GLIS3: variants seen among roughly 807,000 people sequenced by gnomAD.
The protein encoded by GLIS3 is GLIS family zinc finger 3.
Under a neutral mutation model 78.6 loss-of-function variants are expected in GLIS3, and 53 were observed. The ratio of observed to expected loss-of-function variants is 0.67; its 90% CI spans 0.54 to 0.85. The LOEUF is 0.85. Ranked by LOEUF, GLIS3 falls within the 40% of genes least tolerant of loss-of-function variation. The pLI is 0.00. For synonymous variants in GLIS3, 684 were observed against 509.9 expected (o/e 1.34, Z -4.60); for missense variants, 1,703 against 1,231.1 (o/e 1.38, Z -5.74).
chr9:4,292,466 G>A (rs562999880), intron 1 of GLIS3, among the ~76,000 whole-genome samples: 12 of 152,230 alleles, frequency 7.9e-5, no homozygotes, highest in Non-Finnish European at 1.6e-4. Flanking sequence ...GTCTACCCAA[G>A]TACTTACCAA....
the GLIS3 span, among the ~76,000 whole-genome samples, chr9:4,370,166 A>G: frequency 2.1e-5 from 3 of 139,830 alleles, no homozygotes; most frequent in East Asian, 6.9e-4. Flanking sequence ...CCTAGGCGAC[A>G]GAGCAAGACT....
At chr9:4,060,209 T>G (rs576015426) in intron 4 of GLIS3, among the ~76,000 whole-genome samples, 12 of 152,198 alleles carry the variant, frequency 7.9e-5, no homozygotes, top group African/African-American at 1.2e-4. Context: ...CACTTCATAC[T>G]ACTCTCAGTT....
At chr9:3,935,397 C>T (rs1053801476) in intron 5 of GLIS3, among the ~76,000 whole-genome samples, 2 of 151,760 alleles carry the variant, frequency 1.3e-5, no homozygotes, top group African/African-American at 2.4e-5. Flanking sequence ...AATCAGGAAA[C>T]CACTATATTA....
intron 2 of GLIS3, among the ~76,000 whole-genome samples, chr9:4,236,127 T>G (rs1028001840): frequency 1.5e-5 from 2 of 130,540 alleles, no homozygotes; most frequent in African/African-American, 5.8e-5. Context: ...CTCACACAGC[T>G]TAATAGCTGG....
intron 4 of GLIS3, among the ~76,000 whole-genome samples, chr9:4,044,421 T>C (rs1484230330): frequency 2.0e-5 from 3 of 152,208 alleles, no homozygotes; most frequent in Non-Finnish European, 4.4e-5. Context: ...AATTAACACA[T>C]AGTCTCTCTC....
chr9:4,270,001 T>G (rs144005655), intron 2 of GLIS3, among the ~76,000 whole-genome samples: 4 of 152,336 alleles, frequency 2.6e-5, no homozygotes, highest in Non-Finnish European at 4.4e-5. Flanking sequence ...TTCATGGGAA[T>G]TAGCCAAATG....
chr9:3,895,077 A>G (rs927751878), intron 7 of GLIS3, among the ~76,000 whole-genome samples: 1 of 152,206 alleles, frequency 6.6e-6, no homozygotes, highest in East Asian at 1.9e-4. Flanking sequence ...CTGTTAATAA[A>G]TGGACTCCCT....
At chr9:3,849,048 T>G (rs1819239151) in intron 9 of GLIS3, among the ~76,000 whole-genome samples, 1 of 152,126 alleles carries the variant, frequency 6.6e-6, no homozygotes, top group African/African-American at 2.4e-5. Context: ...GCTGAGGAGG[T>G]AGCTTCATGG....
At chr9:4,393,246 G>C in the GLIS3 span, among the ~76,000 whole-genome samples, 1 of 151,958 alleles carries the variant, frequency 6.6e-6, no homozygotes, top group Non-Finnish European at 1.5e-5. Context: ...TTCTATTTCT[G>C]TTACTATTTC....
chr9:4,425,761 G>C, the GLIS3 span, among the ~76,000 whole-genome samples: 2 of 152,178 alleles, frequency 1.3e-5, no homozygotes, highest in South Asian at 2.1e-4. Flanking sequence ...TGCCCAGCAG[G>C]GTAGCCTGCA....
intron 2 of GLIS3, among the ~76,000 whole-genome samples, chr9:4,233,232 C>T (rs892667860): frequency 6.6e-6 from 1 of 152,190 alleles, no homozygotes; most frequent in South Asian, 2.1e-4. Flanking sequence ...GTGATCATCT[C>T]CATTCAAACA....
chr9:3,957,681 A>C (rs1374164867), intron 4 of GLIS3, among the ~76,000 whole-genome samples: 2 of 152,206 alleles, frequency 1.3e-5, no homozygotes, highest in African/African-American at 2.4e-5. Flanking sequence ...ACAGACAAAG[A>C]AATGTTAGCA....
At chr9:4,171,298 A>G (rs769681150) in intron 2 of GLIS3, among the ~76,000 whole-genome samples, 15 of 152,220 alleles carry the variant, frequency 9.9e-5, no homozygotes, top group Non-Finnish European at 1.6e-4. Flanking sequence ...GCTTAAGTTA[A>G]GCCTTCAAAA....
chr9:4,196,980 C>T (rs2131247253), intron 2 of GLIS3, among the ~76,000 whole-genome samples: 1 of 152,302 alleles, frequency 6.6e-6, no homozygotes, highest in African/African-American at 2.4e-5. Context: ...ATCTGCTTGC[C>T]TGGACCAGCA....
chr9:4,415,811 T>C, the GLIS3 span, among the ~76,000 whole-genome samples: 1 of 151,986 alleles, frequency 6.6e-6, no homozygotes, highest in African/African-American at 2.4e-5. Context: ...CTTTTTTTTA[T>C]TAATTAGGTT....
intron 4 of GLIS3, among the ~76,000 whole-genome samples, chr9:4,012,672 G>A (rs1004933767): frequency 1.3e-5 from 2 of 151,764 alleles, no homozygotes; most frequent in Admixed American, 6.6e-5. Context: ...TGTGGGGACC[G>A]GTGGACCCTA....
chr9:4,472,824 TA>T, the GLIS3 span, among the ~76,000 whole-genome samples: 1 of 152,110 alleles, frequency 6.6e-6, no homozygotes, highest in South Asian at 2.1e-4. Context: ...AATCAGAAAT[TA>T]TATATAATTA....
At chr9:4,303,785 G>T (rs1817154933), upstream of GLIS3, among the ~76,000 whole-genome samples, 1 of 152,162 alleles carries the variant, frequency 6.6e-6, no homozygotes, top group African/African-American at 2.4e-5. Context: ...AAAGGTTGAT[G>T]ATGTATTCCT....
At chr9:3,991,783 C>T (rs981022005) in intron 4 of GLIS3, among the ~76,000 whole-genome samples, 19 of 149,834 alleles carry the variant, frequency 1.3e-4, no homozygotes, top group African/African-American at 2.2e-4. Flanking sequence ...CTCCGCCTCC[C>T]GGCTTCATGC....
Sources: gnomAD v4.1 joint callset for allele counts (sites outside exome capture counted in the v4.1 genomes callset) on GRCh38, gnomAD v4.1.1 for gene constraint, MANE v1.5 for transcripts, NCBI Gene and HGNC (gene_info 2026-07-23, HGNC 2026-07-21) for gene names.